The following UBE2E3 variants were observed in gnomAD, a reference collection of about 807,000 sequenced individuals.
UBE2E3 encodes the protein ubiquitin conjugating enzyme E2 E3, also known as ubiquitin-conjugating enzyme E2 E3.
In UBE2E3, 5 loss-of-function variants were observed where a neutral mutation model predicts 23.6. That is an observed-to-expected ratio of 0.21 (90% confidence interval 0.11 to 0.44). The LOEUF is 0.44. Ranked by LOEUF, UBE2E3 falls within the 20% of genes least tolerant of loss-of-function variation. The pLI, the probability that UBE2E3 is intolerant of heterozygous loss-of-function variation, is 0.99. For synonymous variants in UBE2E3, 78 were observed against 87.5 expected, an observed-to-expected ratio of 0.89 and a Z score of 0.60; for missense variants, 81 against 249.8, an observed-to-expected ratio of 0.32 and a Z score of 4.55.
At chr2:180,991,837 G>A (rs1416718964) in intron 3 of UBE2E3, among the ~76,000 whole-genome samples, 2 of 152,160 alleles carry the variant, frequency 1.3e-5, no homozygotes, top group South Asian at 2.1e-4. Context: ...ATGGAGCAGG[G>A]CAATGTGAGA....
At chr2:180,983,923 C>A in intron 2 of UBE2E3, 120 bp from the exon 3 acceptor site, 1 of 668,838 alleles carries the variant, frequency 1.5e-6, no homozygotes, top group Non-Finnish European at 2.5e-6. Context: ...GCCATGTTAG[C>A]ATTACTGAAG....
intron 5 of UBE2E3, among the ~76,000 whole-genome samples, chr2:181,062,394 G>A (rs1361468082): frequency 6.6e-6 from 1 of 151,572 alleles, no homozygotes; most frequent in Non-Finnish European, 1.5e-5. Context: ...ATTTGAAATA[G>A]CATGGTATTG....
intron 3 of UBE2E3, among the ~76,000 whole-genome samples, chr2:181,047,611 C>T (rs1256889257): frequency 1.3e-5 from 2 of 152,078 alleles, no homozygotes; most frequent in African/African-American, 2.4e-5. Flanking sequence ...TATTTCAAAA[C>T]GTAAGTCTGG....
chr2:181,060,958 G>T, intron 5 of UBE2E3, 146 bp downstream of exon 5: 1 of 879,404 alleles, frequency 1.1e-6, no homozygotes, highest in Non-Finnish European at 1.6e-6. Context: ...CAGTTTGTGA[G>T]GAAATTACCA....
At chr2:181,049,113 T>C (rs921333386) in intron 3 of UBE2E3, among the ~76,000 whole-genome samples, 4 of 152,054 alleles carry the variant, frequency 2.6e-5, no homozygotes, top group Admixed American at 6.6e-5. Flanking sequence ...GATAAAGATA[T>C]TCTTTATGTC....
chr2:181,040,549 G>A (rs144473260), intron 3 of UBE2E3, among the ~76,000 whole-genome samples: 141 of 152,184 alleles, frequency 9.3e-4, no homozygotes, highest in African/African-American at 2.7e-3. Context: ...GCTGCTTTGA[G>A]ATATATAAAA....
chr2:181,008,715 A>G (rs1355618562), intron 3 of UBE2E3, among the ~76,000 whole-genome samples: 1 of 152,202 alleles, frequency 6.6e-6, no homozygotes, highest in East Asian at 1.9e-4. Context: ...AGGGAACGTC[A>G]GTGGGAATGC....
intron 2 of UBE2E3, among the ~76,000 whole-genome samples, chr2:180,982,605 C>G (rs532369024): frequency 1.4e-4 from 21 of 152,172 alleles, no homozygotes; most frequent in Non-Finnish European, 2.6e-4. Flanking sequence ...ATTGACACTT[C>G]CAGAGATTAG....
intron 3 of UBE2E3, among the ~76,000 whole-genome samples, chr2:181,041,523 C>G (rs186920478): frequency 6.6e-6 from 1 of 152,044 alleles, no homozygotes; most frequent in Non-Finnish European, 1.5e-5. Flanking sequence ...ACTGCAACCT[C>G]TGCCTCCCAG....
intron 3 of UBE2E3, among the ~76,000 whole-genome samples, chr2:180,988,729 A>T (rs1684559799): frequency 6.6e-6 from 1 of 152,046 alleles, no homozygotes; most frequent in Non-Finnish European, 1.5e-5. Flanking sequence ...TTGAAATAAC[A>T]TGTGATCCCT....
chr2:180,996,947 T>C (rs1684838829), intron 3 of UBE2E3, among the ~76,000 whole-genome samples: 1 of 152,142 alleles, frequency 6.6e-6, no homozygotes, highest in South Asian at 2.1e-4. Context: ...CATTTGAACT[T>C]TGTGCATGAG....
At position 181,037,054 on chromosome 2, in the gene UBE2E3, T is replaced by C. The variant is rs78273828; in HGVS notation, c.246-20639T>C. Among the ~76,000 whole-genome samples the C allele has an allele frequency of 3.3e-5, 5 of 152,314 alleles. No individual in the cohort carries two copies. In the East Asian group the frequency reaches 5.8e-4, roughly 18 times the overall value. On this transcript the variant is annotated intron_variant, in intron 3 of 5. Transcript: ENST00000410062. ...ATTTTGATGAACAACAGTCCTCATA[T>C]ATAATGGTGGTTCCAGAAGATTATG...
chr2:181,036,971 C>T (rs1309412971), intron 3 of UBE2E3, among the ~76,000 whole-genome samples: 1 of 152,172 alleles, frequency 6.6e-6, no homozygotes, highest in Non-Finnish European at 1.5e-5. Context: ...CGAAGACTTA[C>T]TGTATTGAAC....
intron 3 of UBE2E3, among the ~76,000 whole-genome samples, chr2:181,051,292 A>G (rs1686839088): frequency 6.6e-6 from 1 of 151,842 alleles, no homozygotes; most frequent in Non-Finnish European, 1.5e-5. Context: ...TAATTGCTGT[A>G]TAATTATCTA....
intron 3 of UBE2E3, among the ~76,000 whole-genome samples, chr2:181,027,970 G>C (rs1463993863): frequency 6.6e-6 from 1 of 151,838 alleles, no homozygotes; most frequent in Non-Finnish European, 1.5e-5. Flanking sequence ...AAACTAGATG[G>C]TATCATTGAA....
intron 3 of UBE2E3, among the ~76,000 whole-genome samples, chr2:181,036,521 A>T (rs1007163159): frequency 6.6e-6 from 1 of 152,104 alleles, no homozygotes; most frequent in Non-Finnish European, 1.5e-5. Context: ...TTCCCTCCTA[A>T]ATTTCAGAGA....
intron 3 of UBE2E3, among the ~76,000 whole-genome samples, chr2:181,002,810 C>T (rs559518434): frequency 1.1e-4 from 16 of 152,236 alleles, no homozygotes; most frequent in African/African-American, 3.4e-4. Context: ...CACTTATCTT[C>T]GATTATCTTT....
chr2:181,000,662 C>A (rs1684964934), intron 3 of UBE2E3, among the ~76,000 whole-genome samples: 1 of 151,346 alleles, frequency 6.6e-6, no homozygotes, highest in South Asian at 2.1e-4. Flanking sequence ...TCACGCCATT[C>A]TCCTGCCTCA....
At chr2:181,023,685 T>G (rs1685780174) in intron 3 of UBE2E3, among the ~76,000 whole-genome samples, 1 of 152,194 alleles carries the variant, frequency 6.6e-6, no homozygotes, top group South Asian at 2.1e-4. Context: ...GCAAAGGGGT[T>G]GAGAGCATGG....
Sources: gnomAD v4.1 joint callset for allele counts (sites outside exome capture counted in the v4.1 genomes callset) on GRCh38, gnomAD v4.1.1 for gene constraint, MANE v1.5 for transcripts, NCBI Gene and HGNC (gene_info 2026-07-23, HGNC 2026-07-21) for gene names.